The following NKX2-6 variants were observed in gnomAD, a reference collection of about 807,000 sequenced individuals.
NKX2-6 encodes NK2 homeobox 6, also known as homeobox protein Nkx-2.6.
A neutral mutation model predicts 8.6 loss-of-function variants in NKX2-6; 8 were observed. The ratio of observed to expected loss-of-function variants is 0.93; its 90% confidence interval spans 0.54 to 1.67. The LOEUF is 1.67. Ranked by LOEUF, NKX2-6 falls within the 40% of genes most tolerant of loss-of-function variation. NKX2-6 has a pLI of 0.00. For synonymous variants in NKX2-6, 210 were observed against 199.3 expected, an observed-to-expected ratio of 1.05 and a Z score of -0.45; for missense variants, 475 against 423.1, an observed-to-expected ratio of 1.12 and a Z score of -1.08.
At chr8:23,703,183 C>T in intron 1 of NKX2-6, 101 bp from the exon 2 acceptor site, 2 of 1,350,412 alleles carry the variant, frequency 1.5e-6, no homozygotes, top group Non-Finnish European at 2.0e-6. Context: ...AGCCTTCACT[C>T]TGCGCAGGCT....
In NKX2-6 at chr8:23,702,985, C is replaced by G. The variant is rs1434427778; in HGVS notation, c.372G>C (p.Ser124=). Residue 124 remains serine (S), a synonymous_variant, in exon 2 of 2, where the codon TCG becomes TCC. Coordinates refer to ENST00000325017, the MANE Select transcript of NKX2-6 (RefSeq NM_001136271.3). The part of the protein sequence containing the change: ...NSGDSVRGGR[S]EQPKARQRRK... The stretch of plus-strand genomic sequence containing the variant: ...GTCGTTGCCGCGCCTTGGGCTGCTC[C>G]GAGCGGCCACCCCGCACGCTGTCGC... 53 of 1,542,486 alleles carry G rather than the reference C, an allele frequency of 3.4e-5. No individual in the cohort carries two copies. Among genetic ancestry groups the G allele is most frequent in the Non-Finnish European group, 4.2e-5 (48 of 1,145,062 alleles).
Position 23,702,791 on chromosome 8 carries a change from C to G in NKX2-6, c.566G>C (p.Arg189Thr). The change falls in exon 2 of 2, where the codon AGA becomes ACA. Residue 189 changes from arginine to threonine, a missense_variant. Coordinates refer to ENST00000325017, the MANE Select transcript of NKX2-6 (RefSeq NM_001136271.3). ...WFQNRRYKCK[R>T]QRQDKSLELA... Reference sequence around the variant, plus strand: ...TTCCAGCGACTTGTCCTGGCGCTGTCTCTTGCATTTGTAGCGTCGGTTCTG... The same window carrying G: ...TTCCAGCGACTTGTCCTGGCGCTGTGTCTTGCATTTGTAGCGTCGGTTCTG... 1 of 1,565,118 alleles carries G rather than the reference C, an allele frequency of 6.4e-7. No individual in the cohort carries two copies. Among genetic ancestry groups the G allele is most frequent in the Non-Finnish European group, 8.7e-7 (1 of 1,154,418 alleles).
intron 1 of NKX2-6, 42 bp downstream of exon 1, chr8:23,706,283 C>A: frequency 6.7e-7 from 1 of 1,490,148 alleles, no homozygotes; most frequent in South Asian, 1.3e-5. Context: ...CCCCCGCCCC[C>A]ACATTCCCCC....
At position 23,702,126 on chromosome 8, in the gene NKX2-6, C is replaced by T. The variant is rs1243832209; in HGVS notation, c.*325G>A. Among the ~76,000 whole-genome samples, 2 of 152,204 alleles carry T rather than the reference C, an allele frequency of 1.3e-5. No homozygotes were observed. The highest frequency in any genetic ancestry group is 1.3e-4 in the Admixed American group (2 of 15,282). On this transcript the variant is annotated 3_prime_UTR_variant, in exon 2 of 2. Transcript: ENST00000325017. ...CGTACAGATGCAAGAGCCTCTCGGGCCTCTGGGGTTGAAGCCCCAAAAGTC... is the reference window on the plus strand; with the variant it reads ...CGTACAGATGCAAGAGCCTCTCGGGTCTCTGGGGTTGAAGCCCCAAAAGTC...
intron 1 of NKX2-6, among the ~76,000 whole-genome samples, chr8:23,704,062 A>T (rs1801054725): frequency 6.6e-6 from 1 of 152,068 alleles, no homozygotes; most frequent in Non-Finnish European, 1.5e-5. Context: ...TCCTACCTTC[A>T]CCCAACTTTT....
At chr8:23,704,610 C>T (rs1801062118) in intron 1 of NKX2-6, among the ~76,000 whole-genome samples, 1 of 152,180 alleles carries the variant, frequency 6.6e-6, no homozygotes, top group Admixed American at 6.5e-5. Flanking sequence ...GGCACAATCT[C>T]CTGGAGGGGG....
At chr8:23,703,725 CA>C (rs34532511) in intron 1 of NKX2-6, among the ~76,000 whole-genome samples, 27,654 of 117,006 alleles carry the variant, frequency 0.24, 3,101 homozygotes, top group South Asian at 0.41. Context: ...AACAAACAAA[CA>C]AAAAAAAAAC....
At chr8:23,706,090 A>G (rs1451883051) in intron 1 of NKX2-6, among the ~76,000 whole-genome samples, 1 of 152,102 alleles carries the variant, frequency 6.6e-6, no homozygotes, top group Non-Finnish European at 1.5e-5. Flanking sequence ...CGGATTTGGG[A>G]AAAGTGAATC....
Position 23,702,858 on chromosome 8 carries a change from T to C in NKX2-6, c.499A>G (p.Ser167Gly). 1 of 1,566,994 alleles carries C rather than the reference T, an allele frequency of 6.4e-7. No homozygotes were observed. Among genetic ancestry groups the C allele is most frequent in the Non-Finnish European group, 8.7e-7 (1 of 1,155,546 alleles). ...TGCGTGGACGTGAGCTGCAGCGCGCTGGCCAGGTGCTCGCGCTCGGGCGCT... is the reference window on the plus strand; with the variant it reads ...TGCGTGGACGTGAGCTGCAGCGCGCCGGCCAGGTGCTCGCGCTCGGGCGCT... ...LSAPEREHLA[S>G]ALQLTSTQVK... is the part of the protein sequence containing the mutation. The change falls in exon 2 of 2, where the codon AGC (serine) becomes GGC (glycine). Residue 167 changes from serine to glycine, a missense_variant. Physicochemically the swap from Ser to Gly is moderately conservative, Grantham distance 56. Coordinates refer to ENST00000325017, the MANE Select transcript of NKX2-6 (RefSeq NM_001136271.3).
intron 1 of NKX2-6, among the ~76,000 whole-genome samples, chr8:23,705,516 C>T (rs892710852): frequency 3.3e-5 from 5 of 152,188 alleles, no homozygotes; most frequent in Non-Finnish European, 5.9e-5. Flanking sequence ...CAGCTGAAGC[C>T]TCCGGATCGA....
rs762846098 is a variant in NKX2-6 at position 23,701,784 on chromosome 8, T to C, written c.*667A>G. Among the ~76,000 whole-genome samples, 4 of 152,104 alleles carry C rather than the reference T, an allele frequency of 2.6e-5. No individual in the cohort carries two copies. The highest frequency in any genetic ancestry group is 2.6e-4 in the Admixed American group (4 of 15,266). On this transcript the variant is annotated 3_prime_UTR_variant, in exon 2 of 2. Transcript: ENST00000325017. ...GGAGGTGCTGTGCTGTACAAAGAGA[T>C]AAAATGCACAACAGTGAAAGGGACC...
intron 1 of NKX2-6, among the ~76,000 whole-genome samples, chr8:23,704,622 T>G (rs1801062288): frequency 6.6e-6 from 1 of 152,194 alleles, no homozygotes; most frequent in African/African-American, 2.4e-5. Flanking sequence ...TGGAGGGGGA[T>G]GGAGCTGTTT....
In NKX2-6 at chr8:23,706,726, G is replaced by A; in HGVS notation, c.-128C>T. The A allele has an allele frequency of 9.0e-7, 1 of 1,110,950 alleles. No homozygotes were observed. The highest frequency in any genetic ancestry group is 1.2e-6 in the Non-Finnish European group (1 of 800,936). The allele number at this position is 1,110,950 out of a possible 1,614,324, so 68.8% of individuals were successfully genotyped here. ...GGACAGACGCCCAGCGTCCCAGACA[G>A]CGCCTTCCTCTGGGCCATGCTGGTA... On this transcript the variant is annotated 5_prime_UTR_variant, in exon 1 of 2. Transcript: ENST00000325017.
rs567767308 is a variant in NKX2-6, at chr8:23,706,632, C to T, written c.-34G>A. ...CGGATGGGGCGGGGCCGAGGAGGTC[C>T]GGGTGAGGAGCGGCACCCTGAACTT... is the stretch of plus-strand genomic sequence containing the variant. On this transcript the variant is annotated 5_prime_UTR_variant, in exon 1 of 2. Transcript: ENST00000325017. The T allele has an allele frequency of 9.4e-5, 143 of 1,517,106 alleles. No individual in the cohort carries two copies. The African/African-American group carries it at 1.8e-3, about 19-fold the overall frequency. 94.0% of individuals were successfully genotyped at this position (1,517,106 alleles called of 1,614,324 possible). A position where few individuals can be genotyped will look rare whatever the true frequency, so the allele number is the denominator to read the frequency against.
At chr8:23,705,700 C>A (rs181914147) in intron 1 of NKX2-6, among the ~76,000 whole-genome samples, 63 of 152,366 alleles carry the variant, frequency 4.1e-4, no homozygotes, top group African/African-American at 1.4e-3. Flanking sequence ...CCCTGGCAAC[C>A]TTTAACGTTC....
Position 23,702,870 on chromosome 8 carries a change from C to G in NKX2-6, c.487G>C (p.Glu163Gln), listed in dbSNP as rs1241318143. The change falls in exon 2 of 2, where the codon GAG (glutamate) becomes CAG (glutamine). Residue 163 changes from glutamate (E) to glutamine (Q), a missense_variant. Physicochemically the swap from Glu to Gln is conservative, Grantham distance 29. Transcript: ENST00000325017. ...AGCTGCAGCGCGCTGGCCAGGTGCTCGCGCTCGGGCGCTGACAGGTACCGC... is the reference window on the plus strand; with the variant it reads ...AGCTGCAGCGCGCTGGCCAGGTGCTGGCGCTCGGGCGCTGACAGGTACCGC... ...QQRYLSAPER[E>Q]HLASALQLTS... 1.3e-6 allele frequency: 2 copies of G among 1,560,852 alleles called. No homozygotes were observed. The highest frequency in any genetic ancestry group is 1.9e-5 in the Admixed American group (1 of 51,796).
intron 1 of NKX2-6, among the ~76,000 whole-genome samples, chr8:23,706,058 G>C (rs551921502): frequency 1.3e-5 from 2 of 152,160 alleles, no homozygotes; most frequent in Non-Finnish European, 2.9e-5. Flanking sequence ...TGTGAGCGAT[G>C]CGTTTGTGGG....
In NKX2-6 at chr8:23,701,891, G is replaced by C. The variant is rs1428983813; in HGVS notation, c.*560C>G. On this transcript the variant is annotated 3_prime_UTR_variant, in exon 2 of 2. Transcript: ENST00000325017. ...GGATTAACGGAGTCCCCTGGGGCGC[G>C]GCCTTATGGGGATGTTTAAGTCCCA... Among the ~76,000 whole-genome samples the C allele has an allele frequency of 6.6e-6, 1 of 152,224 alleles. No individual in the cohort carries two copies. Among genetic ancestry groups the C allele is most frequent in the East Asian group, 1.9e-4 (1 of 5,178 alleles).
At chr8:23,706,292 C>A in intron 1 of NKX2-6, 33 bp downstream of exon 1, 2 of 1,508,696 alleles carry the variant, frequency 1.3e-6, no homozygotes. Flanking sequence ...CCACATTCCC[C>A]CCGTAGGAGG....
Sources: gnomAD v4.1 joint callset for allele counts (sites outside exome capture counted in the v4.1 genomes callset) on GRCh38, gnomAD v4.1.1 for gene constraint, MANE v1.5 for transcripts, NCBI Gene and HGNC (gene_info 2026-07-23, HGNC 2026-07-21) for gene names.